THSD4: variants seen among roughly 807,000 people sequenced by gnomAD.
THSD4 encodes thrombospondin type-1 domain-containing protein 4.
THSD4 carries 69 observed loss-of-function variants against 119.0 expected under a neutral mutation model. The ratio of observed to expected loss-of-function variants is 0.58; its 90% confidence interval spans 0.48 to 0.71. The LOEUF (loss-of-function observed/expected upper bound fraction) is 0.71, where lower values mean the gene tolerates loss of function less well. Ranked by LOEUF, THSD4 falls within the 30% of genes least tolerant of loss-of-function variation. The probability of loss-of-function intolerance (pLI) is 0.00; values close to 1 mark genes in which losing one functional copy is unlikely to be tolerated. For synonymous variants in THSD4, 524 were observed against 540.4 expected, an observed-to-expected ratio of 0.97 and a Z score of 0.42; for missense variants, 1,393 against 1,391.1, an observed-to-expected ratio of 1.00 and a Z score of -0.02.
At chr15:71,742,101 A>G (rs2053247056) in intron 11 of THSD4, among the ~76,000 whole-genome samples, 1 of 152,252 alleles carries the variant, frequency 6.6e-6, no homozygotes, top group South Asian at 2.1e-4. Context: ...TATGCACAGA[A>G]TAAGTCTGTT....
At chr15:71,657,994 G>A (rs2051224014) in intron 7 of THSD4, among the ~76,000 whole-genome samples, 1 of 152,138 alleles carries the variant, frequency 6.6e-6, no homozygotes, top group Non-Finnish European at 1.5e-5. Context: ...TGTGATTAAT[G>A]TGACGTCTGT....
chr15:71,350,496 T>G (rs1566950509), intron 6 of THSD4, among the ~76,000 whole-genome samples: 1 of 152,146 alleles, frequency 6.6e-6, no homozygotes, highest in Non-Finnish European at 1.5e-5. Context: ...CCCCTCTGGC[T>G]CTCTGGCACA....
Position 71,308,303 on chromosome 15 carries a change from C to G in THSD4, c.1015+51588C>G, listed in dbSNP as rs2045061027. ...TAGCTTTTTCTTAACCCTTCCCTGC[C>G]TACTCGGGTTTAACTTGTCCTTTTA... is the stretch of plus-strand genomic sequence containing the variant. On this transcript the variant is annotated intron_variant, in intron 6 of 17. Coordinates refer to ENST00000261862, the MANE Select transcript of THSD4 (RefSeq NM_024817.3). Among the ~76,000 whole-genome samples the G allele has an allele frequency of 3.9e-5, 6 of 152,190 alleles. No homozygotes were observed. In the South Asian group the frequency reaches 1.2e-3, roughly 32 times the overall value.
At chr15:71,406,139 A>G (rs948850024) in intron 6 of THSD4, among the ~76,000 whole-genome samples, 32 of 151,876 alleles carry the variant, frequency 2.1e-4, no homozygotes, top group African/African-American at 7.5e-4. Flanking sequence ...ATTTAGGAGT[A>G]TGTTGTTTAA....
intron 7 of THSD4, among the ~76,000 whole-genome samples, chr15:71,568,796 T>G (rs918887726): frequency 9.2e-5 from 14 of 152,040 alleles, no homozygotes; most frequent in African/African-American, 3.4e-4. Context: ...TGTGTCCAAG[T>G]GTTCTCATTG....
At chr15:71,678,038 C>T (rs2051688526) in intron 8 of THSD4, among the ~76,000 whole-genome samples, 2 of 152,316 alleles carry the variant, frequency 1.3e-5, no homozygotes, top group Middle Eastern at 3.4e-3. Context: ...GGCTGTTAAT[C>T]GCTCCCAGGT....
At chr15:71,156,374 C>T (rs2040777529) in intron 3 of THSD4, among the ~76,000 whole-genome samples, 1 of 151,982 alleles carries the variant, frequency 6.6e-6, no homozygotes, top group Non-Finnish European at 1.5e-5. Flanking sequence ...TCTTCTGCCT[C>T]ATCCTCCCAA....
intron 6 of THSD4, among the ~76,000 whole-genome samples, chr15:71,292,845 T>G (rs1412049470): frequency 6.6e-6 from 1 of 151,894 alleles, no homozygotes; most frequent in African/African-American, 2.4e-5. Flanking sequence ...CCCGGCTGAT[T>G]TTTTGTATTT....
intron 6 of THSD4, among the ~76,000 whole-genome samples, chr15:71,269,182 T>C (rs1471530175): frequency 6.6e-6 from 1 of 152,138 alleles, no homozygotes; most frequent in African/African-American, 2.4e-5. Context: ...CTGATGAACA[T>C]TGATGCGAAA....
At chr15:71,521,488 G>A (rs534643268) in intron 7 of THSD4, among the ~76,000 whole-genome samples, 1 of 152,126 alleles carries the variant, frequency 6.6e-6, no homozygotes, top group South Asian at 2.1e-4. Context: ...TCGGATCTCA[G>A]TTTTCTTAGG....
chr15:71,351,916 C>T (rs2045748463), intron 6 of THSD4, among the ~76,000 whole-genome samples: 2 of 152,176 alleles, frequency 1.3e-5, no homozygotes, highest in South Asian at 4.1e-4. Flanking sequence ...ATTTAGGAAA[C>T]CCACTACCTT....
chr15:71,403,095 A>G (rs139208782), intron 6 of THSD4, among the ~76,000 whole-genome samples: 1 of 152,204 alleles, frequency 6.6e-6, no homozygotes, highest in Non-Finnish European at 1.5e-5. Flanking sequence ...GTCTTTTCCT[A>G]GTGTACAGCT....
chr15:71,191,512 A>G (rs1292128103), intron 3 of THSD4, among the ~76,000 whole-genome samples: 2 of 152,160 alleles, frequency 1.3e-5, no homozygotes, highest in Non-Finnish European at 2.9e-5. Flanking sequence ...TGCTAAGTAC[A>G]TCTGTTATTC....
chr15:71,194,985 G>A (rs2043707301), intron 3 of THSD4, among the ~76,000 whole-genome samples: 1 of 152,164 alleles, frequency 6.6e-6, no homozygotes, highest in East Asian at 1.9e-4. Context: ...CACGGGGCTG[G>A]GACCATGTCT....
chr15:71,459,388 C>CTCTCTCTCTCTCTCTCTCTG (rs1566991588), intron 7 of THSD4, among the ~76,000 whole-genome samples: 1 of 121,820 alleles, frequency 8.2e-6, no homozygotes, highest in Non-Finnish European at 1.9e-5. Flanking sequence ...CTGTCTCTCT[C>CTCTCTCTCTCTCTCTCTCTG]TCTCTCTCTC....
chr15:71,375,022 G>A (rs552747442), intron 6 of THSD4, among the ~76,000 whole-genome samples: 1 of 152,240 alleles, frequency 6.6e-6, no homozygotes, highest in South Asian at 2.1e-4. Flanking sequence ...GCCCACAGAA[G>A]GGATTTCAGA....
chr15:71,459,901 CTA>C (rs1418490176), intron 7 of THSD4, among the ~76,000 whole-genome samples: 1 of 151,958 alleles, frequency 6.6e-6, no homozygotes, highest in African/African-American at 2.4e-5. Flanking sequence ...CTCTTAAAGA[CTA>C]TATATTCAGT....
rs144279118 is a variant in THSD4, at chr15:71,548,852, A to G, written c.1153-111678A>G. ...GAGAGCTCATATGGAAAATATTTCT[A>G]TCACCGCTGCATGCACATATGGTCT... On this transcript the variant is annotated intron_variant, in intron 7 of 17. Transcript: ENST00000261862. Among the ~76,000 whole-genome samples, 588 of 152,312 alleles carry G rather than the reference A, an allele frequency of 3.9e-3. 4 individuals are homozygous for G. The highest frequency in any genetic ancestry group is 6.8e-3 in the Middle Eastern group (2 of 294).
intron 3 of THSD4, among the ~76,000 whole-genome samples, chr15:71,210,917 C>G (rs1270319426): frequency 6.6e-6 from 1 of 152,022 alleles, no homozygotes; most frequent in African/African-American, 2.4e-5. Flanking sequence ...GTTGTTCTTA[C>G]AAAATATGAT....
Sources: gnomAD v4.1 joint callset for allele counts (sites outside exome capture counted in the v4.1 genomes callset) on GRCh38, gnomAD v4.1.1 for gene constraint, MANE v1.5 for transcripts, NCBI Gene and HGNC (gene_info 2026-07-23, HGNC 2026-07-21) for gene names.